Variants in CELF2 observed in about 807,000 individuals in gnomAD.
CELF2 encodes the protein CUGBP Elav-like family member 2.
In CELF2, 8 loss-of-function variants were observed where a neutral mutation model predicts 62.6. The observed-to-expected ratio is 0.13, with a 90% CI of 0.07 to 0.23. The LOEUF (loss-of-function observed/expected upper bound fraction) is 0.23, where lower values mean the gene tolerates loss of function less well. Ranked by LOEUF, CELF2 falls within the 10% of genes least tolerant of loss-of-function variation. The pLI is 1.00. For missense variants in CELF2, 333 were observed against 671.0 expected (o/e 0.50, Z 5.56); for synonymous variants, 258 against 250.0 (o/e 1.03, Z -0.30).
chr10:10,752,463 G>A, the CELF2 span, among the ~76,000 whole-genome samples: 1 of 151,988 alleles, frequency 6.6e-6, no homozygotes, highest in Non-Finnish European at 1.5e-5. Context: ...GGCCAACGTG[G>A]GCAGATCATG....
At chr10:11,112,880 C>T (rs1386445560) in intron 1 of CELF2, among the ~76,000 whole-genome samples, 3 of 151,898 alleles carry the variant, frequency 2.0e-5, no homozygotes, top group Non-Finnish European at 4.4e-5. Context: ...CATGAGTAAA[C>T]GCATTGCATT....
At chr10:11,031,686 A>G (rs753395462) in intron 1 of CELF2, among the ~76,000 whole-genome samples, 2 of 152,146 alleles carry the variant, frequency 1.3e-5, no homozygotes, top group Non-Finnish European at 2.9e-5. Flanking sequence ...CATTATCTAT[A>G]ATTACATTTT....
intron 1 of CELF2, among the ~76,000 whole-genome samples, chr10:11,102,795 G>A (rs936171572): frequency 1.3e-5 from 2 of 152,076 alleles, no homozygotes; most frequent in Non-Finnish European, 2.9e-5. Context: ...AACCAAGCAT[G>A]CCTTGGAATC....
rs1009512921 is a variant in CELF2 at position 11,207,169 on chromosome 10, A to G, written c.272-10256A>G. 5.9e-5 allele frequency among the ~76,000 whole-genome samples: 9 copies of G among 152,254 alleles called. No homozygotes were observed. The highest frequency in any genetic ancestry group is 2.2e-4 in the African/African-American group (9 of 41,460). ...ATAATCATGGGTGAGGAAGTGTTAC[A>G]GTATACACATAGCTGTGCATATTAG... On this transcript the variant is annotated intron_variant, in intron 2 of 12. Transcript: ENST00000633077. This position sits in a 1 kb window ranked among gnomAD's most constrained non-coding sequence, Gnocchi z 4.1.
chr10:11,033,898 T>C (rs535431421), intron 1 of CELF2, among the ~76,000 whole-genome samples: 10 of 152,372 alleles, frequency 6.6e-5, no homozygotes, highest in Admixed American at 5.9e-4. Context: ...CTGAACTGAT[T>C]AGTTGTTTTG....
At chr10:10,606,764 G>C in the CELF2 span, among the ~76,000 whole-genome samples, 1 of 152,082 alleles carries the variant, frequency 6.6e-6, no homozygotes, top group East Asian at 1.9e-4. Context: ...TATAAAATTG[G>C]ATGGGCCAAC....
intron 3 of CELF2, among the ~76,000 whole-genome samples, chr10:11,238,370 A>T (rs1004889990): frequency 6.6e-6 from 1 of 152,136 alleles, no homozygotes; most frequent in Non-Finnish European, 1.5e-5. Flanking sequence ...GAATCTTTCC[A>T]TTTATCTCCA....
chr10:11,016,924 C>T (rs764365058), upstream of CELF2, among the ~76,000 whole-genome samples: 13 of 152,120 alleles, frequency 8.5e-5, no homozygotes, highest in South Asian at 6.2e-4. This position sits in a 1 kb window ranked among gnomAD's most constrained non-coding sequence, Gnocchi z 5.2. Context: ...ACTTTTGGTA[C>T]GCAATTTATG....
At chr10:10,803,231 A>T (rs769052850) in intron 1 of CELF2, among the ~76,000 whole-genome samples, 2 of 152,182 alleles carry the variant, frequency 1.3e-5, no homozygotes, top group Non-Finnish European at 2.9e-5. Flanking sequence ...CATAAATCAG[A>T]TTCTGTGACT....
At chr10:11,044,011 G>A (rs1306500291) in intron 1 of CELF2, among the ~76,000 whole-genome samples, 2 of 152,130 alleles carry the variant, frequency 1.3e-5, no homozygotes, top group Admixed American at 6.5e-5. Flanking sequence ...GTCTGTGCTC[G>A]CTCTTCTCTC....
intron 3 of CELF2, among the ~76,000 whole-genome samples, chr10:11,219,257 A>G (rs946973972): frequency 3.6e-4 from 55 of 152,242 alleles, no homozygotes; most frequent in African/African-American, 1.2e-3. Flanking sequence ...AATATGATGA[A>G]TGGGGCATGT....
intron 1 of CELF2, among the ~76,000 whole-genome samples, chr10:11,019,628 G>T (rs958407071): frequency 2.0e-5 from 3 of 152,180 alleles, no homozygotes; most frequent in South Asian, 2.1e-4. Context: ...GGGGATGATA[G>T]AATCTGTTAT....
chr10:11,078,081 G>C (rs2072655033), intron 1 of CELF2, among the ~76,000 whole-genome samples: 1 of 152,056 alleles, frequency 6.6e-6, no homozygotes, highest in South Asian at 2.1e-4. Flanking sequence ...CCCTCCATTC[G>C]TGTTTCATCC....
the CELF2 span, among the ~76,000 whole-genome samples, chr10:10,651,901 G>A: frequency 1.8e-4 from 27 of 146,388 alleles, no homozygotes; most frequent in Non-Finnish European, 9.1e-5. Flanking sequence ...AGAGAAGAAG[G>A]CTTCAGATGA....
chr10:10,904,239 T>TG (rs397736540), intron 1 of CELF2, among the ~76,000 whole-genome samples: 1 of 144,464 alleles, frequency 6.9e-6, no homozygotes, highest in Non-Finnish European at 1.5e-5. Context: ...TTTTTTTTTT[T>TG]GTTTAGAGAC....
Position 11,109,242 on chromosome 10 carries a change from G to A in CELF2, c.75-56244G>A, listed in dbSNP as rs182934133. Among the ~76,000 whole-genome samples the A allele has an allele frequency of 3.3e-5, 5 of 152,242 alleles. No individual in the cohort carries two copies. The East Asian group carries it at 7.7e-4, about 24-fold the overall frequency. On this transcript the variant is annotated intron_variant, in intron 1 of 12. Transcript: ENST00000633077. ...TGGTTTTTATGGTACCATATCCTAAGTATTCCATCTGTTTTCCTGTAATGT... is the reference window on the plus strand; with the variant it reads ...TGGTTTTTATGGTACCATATCCTAAATATTCCATCTGTTTTCCTGTAATGT...
Position 11,319,736 on chromosome 10 carries a change from G to A in CELF2, c.1097-1453G>A, listed in dbSNP as rs555366697. ...TGTTCTGAGAAGCACAGGAATACCC[G>A]AGGTGAGGCACAATGACAGTCCTCC... On this transcript the variant is annotated intron_variant, in intron 10 of 12. Transcript: ENST00000633077. The surrounding 1 kb of genome is among the most constrained non-coding windows in gnomAD (Gnocchi z 4.4). 1.3e-5 allele frequency: 6 copies of A among 470,364 alleles called. No individual in the cohort carries two copies. Among genetic ancestry groups the A allele is most frequent in the East Asian group, 7.0e-5 (1 of 14,384 alleles). The allele number at this position is 470,364 out of a possible 1,614,324, so 29.1% of individuals were successfully genotyped here. A position where few individuals can be genotyped will look rare whatever the true frequency, so the allele number is the denominator to read the frequency against.
intron 2 of CELF2, among the ~76,000 whole-genome samples, chr10:10,986,639 T>C (rs956595785): frequency 1.3e-5 from 2 of 152,222 alleles, no homozygotes; most frequent in Non-Finnish European, 2.9e-5. Flanking sequence ...TGACAGCTGC[T>C]TAGTGATGTT....
intron 1 of CELF2, among the ~76,000 whole-genome samples, chr10:10,877,727 A>T (rs1254836178): frequency 6.6e-6 from 1 of 152,244 alleles, no homozygotes; most frequent in Non-Finnish European, 1.5e-5. Flanking sequence ...ATAATGAGTG[A>T]GATGGACGAG....
Sources: gnomAD v4.1 joint callset for allele counts (sites outside exome capture counted in the v4.1 genomes callset) on GRCh38, gnomAD v4.1.1 for gene constraint, Gnocchi (gnomAD v3.1) non-coding constraint, MANE v1.5 for transcripts, NCBI Gene and HGNC (gene_info 2026-07-23, HGNC 2026-07-21) for gene names.